The following DLG2 variants were observed in gnomAD, a reference collection of about 807,000 sequenced individuals.
The protein encoded by DLG2 is disks large homolog 2.
Under a neutral mutation model 132.5 loss-of-function variants are expected in DLG2, and 45 were observed. That is an observed-to-expected ratio of 0.34 (90% CI 0.27 to 0.44). The LOEUF (loss-of-function observed/expected upper bound fraction) is 0.44. DLG2 is among the 20% of genes least tolerant of loss of function. DLG2 has a pLI of 1.00. For synonymous variants in DLG2, 424 were observed against 419.6 expected, an observed-to-expected ratio of 1.01 and a Z score of -0.13; for missense variants, 1,045 against 1,196.9, an observed-to-expected ratio of 0.87 and a Z score of 1.87.
intron 6 of DLG2, among the ~76,000 whole-genome samples, chr11:84,943,792 T>C (rs74730384): frequency 0.11 from 17,499 of 152,226 alleles, 1,231 homozygotes; most frequent in African/African-American, 0.14. Flanking sequence ...AATTACAGTG[T>C]TATAATATTC....
chr11:85,419,977 G>C (rs1263006139), intron 3 of DLG2, among the ~76,000 whole-genome samples: 2 of 152,126 alleles, frequency 1.3e-5, no homozygotes, highest in Non-Finnish European at 2.9e-5. Flanking sequence ...TTCCTTTACT[G>C]GCAAGGAGTT....
intron 6 of DLG2, among the ~76,000 whole-genome samples, chr11:84,860,455 T>C (rs139017592): frequency 6.6e-6 from 1 of 152,254 alleles, no homozygotes; most frequent in African/African-American, 2.4e-5. Context: ...GTATTTTATG[T>C]GTATGGACTG....
chr11:83,859,306 C>G (rs1229912322), intron 16 of DLG2, among the ~76,000 whole-genome samples: 1 of 152,068 alleles, frequency 6.6e-6, no homozygotes, highest in East Asian at 1.9e-4. Context: ...GTTTGGGACT[C>G]CCTAGAGACT....
intron 3 of DLG2, among the ~76,000 whole-genome samples, chr11:85,313,522 T>C: frequency 6.6e-6 from 1 of 152,058 alleles, no homozygotes; most frequent in African/African-American, 2.4e-5. Context: ...AGTACATTAA[T>C]AAACTACAAT....
chr11:84,793,508 T>C (rs943738051), intron 6 of DLG2, among the ~76,000 whole-genome samples: 16 of 152,222 alleles, frequency 1.1e-4, no homozygotes, highest in African/African-American at 3.9e-4. Flanking sequence ...TGTTGAAGTC[T>C]CCAGCTATTA....
chr11:84,709,577 G>C (rs1376509995), intron 6 of DLG2, among the ~76,000 whole-genome samples: 1 of 151,874 alleles, frequency 6.6e-6, no homozygotes, highest in Non-Finnish European at 1.5e-5. Context: ...AGAGCTAATG[G>C]TTCAGTCACA....
chr11:83,739,824 T>G (rs1050151816), intron 18 of DLG2, among the ~76,000 whole-genome samples: 1 of 152,012 alleles, frequency 6.6e-6, no homozygotes, highest in South Asian at 2.1e-4. Context: ...TGGATTCTCA[T>G]GGACTCATCA....
intron 3 of DLG2, among the ~76,000 whole-genome samples, chr11:85,423,564 G>C (rs1462009042): frequency 6.6e-6 from 1 of 152,134 alleles, no homozygotes; most frequent in Non-Finnish European, 1.5e-5. Context: ...AGAGGGCTAG[G>C]TGTGTCTGAG....
Position 85,191,273 on chromosome 11 carries a change from C to G in DLG2, c.187-36622G>C, listed in dbSNP as rs139193779. ...ATGGTGTATCGTAACTTTCCGTACT[C>G]TTTGCTAAGACTTTTTGGACCCAGT... is the stretch of plus-strand genomic sequence containing the variant. On this transcript the variant is annotated intron_variant, in intron 4 of 27. Transcript: ENST00000376104. Among the ~76,000 whole-genome samples the G allele has an allele frequency of 9.8e-4, 149 of 151,614 alleles. 4 individuals carry two copies. In the East Asian group the frequency reaches 0.02, roughly 20 times the overall value.
chr11:84,376,888 T>C (rs1471139509), intron 7 of DLG2, among the ~76,000 whole-genome samples: 1 of 151,942 alleles, frequency 6.6e-6, no homozygotes, highest in Non-Finnish European at 1.5e-5. Context: ...CTGATAAATG[T>C]AGATTAATGA....
intron 18 of DLG2, among the ~76,000 whole-genome samples, chr11:83,635,096 C>A (rs2064445446): frequency 6.6e-6 from 1 of 152,044 alleles, no homozygotes; most frequent in Admixed American, 6.6e-5. Flanking sequence ...TGTATGCAGG[C>A]CAGGTGTGGT....
chr11:84,534,526 A>G, intron 7 of DLG2, 44 bp downstream of exon 7: 1 of 1,592,860 alleles, frequency 6.3e-7, no homozygotes, highest in Non-Finnish European at 8.6e-7. Flanking sequence ...ATTAAGACCA[A>G]CTACTGTCAC....
rs574721754 is a variant in DLG2, at chr11:83,584,435, A to G, written c.1941-42577T>C. ...TCAATCAGAATACGCTTCACCAAAA[A>G]TGAATAACTTAAGGTCTATGTGCCA... On this transcript the variant is annotated intron_variant, in intron 19 of 27. Transcript: ENST00000376104. Among the ~76,000 whole-genome samples, 41 of 152,346 alleles carry G rather than the reference A, an allele frequency of 2.7e-4. No individual in the cohort carries two copies. In the East Asian group the frequency reaches 7.5e-3, roughly 28 times the overall value.
At chr11:83,965,573 C>A in intron 12 of DLG2, 105 bp from the exon 13 acceptor site, 3 of 906,416 alleles carry the variant, frequency 3.3e-6, no homozygotes, top group South Asian at 1.6e-5. Flanking sequence ...AATTACTGTC[C>A]AGTATCCTTG....
chr11:83,517,519 C>T (rs527601816), intron 21 of DLG2, among the ~76,000 whole-genome samples: 186 of 152,346 alleles, frequency 1.2e-3, no homozygotes, highest in Non-Finnish European at 1.9e-3. Context: ...CTTCTCTCAA[C>T]TCATCGAAGT....
intron 16 of DLG2, among the ~76,000 whole-genome samples, chr11:83,859,356 A>T (rs898605033): frequency 2.6e-5 from 4 of 152,212 alleles, no homozygotes; most frequent in African/African-American, 9.6e-5. Context: ...AATGATATGG[A>T]CAATGAAATC....
At chr11:84,917,638 A>T (rs985746018) in intron 6 of DLG2, among the ~76,000 whole-genome samples, 1 of 152,196 alleles carries the variant, frequency 6.6e-6, no homozygotes, top group Non-Finnish European at 1.5e-5. Flanking sequence ...TCTAGGGTCC[A>T]TACTAAGAGT....
At chr11:84,619,166 A>G (rs1217562730) in intron 6 of DLG2, among the ~76,000 whole-genome samples, 2 of 151,928 alleles carry the variant, frequency 1.3e-5, no homozygotes, top group Admixed American at 6.6e-5. Context: ...GAGAATAGTT[A>G]CCATAAAAAG....
chr11:85,369,444 AC>A (rs956290370), intron 3 of DLG2, among the ~76,000 whole-genome samples: 1 of 148,994 alleles, frequency 6.7e-6, no homozygotes, highest in African/African-American at 2.5e-5. Context: ...CCCCTTCTCT[AC>A]CCCGTCAGCA....
Sources: allele counts gnomAD v4.1 joint callset (sites outside exome capture counted in the v4.1 genomes callset), GRCh38; gene constraint gnomAD v4.1.1; transcripts MANE v1.5; gene names NCBI Gene and HGNC (gene_info 2026-07-23, HGNC 2026-07-21).